The following RAB3C variants were observed in gnomAD, a reference collection of about 807,000 sequenced individuals.
The protein encoded by RAB3C is RAB3C, member RAS oncogene family.
RAB3C carries 17 observed loss-of-function variants against 26.4 expected under a neutral mutation model. The ratio of observed to expected loss-of-function variants is 0.64; its 90% CI spans 0.44 to 0.97. RAB3C has a LOEUF of 0.97. Ranked by LOEUF, RAB3C falls within the 50% of genes least tolerant of loss-of-function variation. RAB3C has a pLI of 0.00. For missense variants in RAB3C, 242 were observed against 281.9 expected (o/e 0.86, Z 1.01); for synonymous variants, 91 against 95.9 (o/e 0.95, Z 0.30).
intron 3 of RAB3C, among the ~76,000 whole-genome samples, chr5:58,731,478 G>A (rs916320949): frequency 2.6e-5 from 4 of 152,134 alleles, no homozygotes; most frequent in African/African-American, 9.7e-5. Context: ...ATGATGGTTT[G>A]TAGCTGTCAT....
At chr5:58,826,188 T>C (rs13354482) in intron 4 of RAB3C, among the ~76,000 whole-genome samples, 16,754 of 151,658 alleles carry the variant, frequency 0.11, 1,131 homozygotes, top group African/African-American at 0.19. Flanking sequence ...GGAGATCAGG[T>C]GTGGAAATGA....
intron 3 of RAB3C, chr5:58,822,762 A>C: frequency 3.7e-6 from 2 of 543,076 alleles, no homozygotes; most frequent in South Asian, 3.1e-5. Context: ...GAACTACCAA[A>C]ATAAGGTGTG....
At chr5:58,796,155 C>A (rs538553302) in intron 3 of RAB3C, among the ~76,000 whole-genome samples, 8 of 152,224 alleles carry the variant, frequency 5.3e-5, no homozygotes, top group African/African-American at 1.7e-4. Flanking sequence ...TTCTCCAAAG[C>A]CTTTTAGTGT....
intron 3 of RAB3C, among the ~76,000 whole-genome samples, chr5:58,734,495 G>C (rs1741092770): frequency 6.6e-6 from 1 of 152,032 alleles, no homozygotes. Context: ...CTTTCTCCCT[G>C]GATGTTAATG....
Position 58,637,098 on chromosome 5 carries a change from C to CTTTT in RAB3C, c.252+19240_252+19243dup, listed in dbSNP as rs10669263. ...ATCATTTTTTTTTTATTTCAAAGAA[C>CTTTT]TTTTTTTTTTTTTTTACTATTCAGT... On this transcript the variant is annotated intron_variant, in intron 2 of 4. Transcript: ENST00000282878. Among the ~76,000 whole-genome samples, 160 of 142,198 alleles carry CTTTT rather than the reference C, an allele frequency of 1.1e-3. 2 individuals are homozygous for CTTTT. Among genetic ancestry groups the CTTTT allele is most frequent in the African/African-American group, 1.9e-3 (73 of 38,652 alleles). The allele number at this position is 142,198 out of a possible 152,430, so 93.3% of individuals were successfully genotyped here.
intron 2 of RAB3C, among the ~76,000 whole-genome samples, chr5:58,646,738 TGTG>T (rs1240044616): frequency 6.6e-6 from 1 of 152,156 alleles, no homozygotes; most frequent in African/African-American, 2.4e-5. Flanking sequence ...TCTCACCACT[TGTG>T]GGGGCAGGGA....
At chr5:58,782,486 C>T (rs957490872) in intron 3 of RAB3C, among the ~76,000 whole-genome samples, 2 of 152,064 alleles carry the variant, frequency 1.3e-5, no homozygotes, top group Non-Finnish European at 2.9e-5. Context: ...TTATGCCCAC[C>T]ATTATATATA....
chr5:58,588,307 G>A (rs560329312), intron 1 of RAB3C, among the ~76,000 whole-genome samples: 3 of 152,188 alleles, frequency 2.0e-5, no homozygotes, highest in East Asian at 3.9e-4. Flanking sequence ...GGGAGGACCG[G>A]CAATTCTCAC....
intron 4 of RAB3C, among the ~76,000 whole-genome samples, chr5:58,840,581 TAA>T: frequency 6.6e-6 from 1 of 152,354 alleles, no homozygotes; most frequent in South Asian, 2.1e-4. Context: ...ATGCACGTGG[TAA>T]AGTCACTTCT....
Position 58,797,404 on chromosome 5 carries a change from G to C in RAB3C, c.372-27634G>C, listed in dbSNP as rs916565041. On this transcript the variant is annotated intron_variant, in intron 3 of 4. Transcript: ENST00000282878. ...ATATATATATATATATATACACAGAGAGAGAGAGAGAAATTTAAAAATTAG... is the reference window on the plus strand; with the variant it reads ...ATATATATATATATATATACACAGACAGAGAGAGAGAAATTTAAAAATTAG... Among the ~76,000 whole-genome samples the C allele has an allele frequency of 3.4e-4, 46 of 134,786 alleles. 1 individual carries two copies. The highest frequency in any genetic ancestry group is 2.6e-3 in the South Asian group (11 of 4,252). 88.4% of individuals were successfully genotyped at this position (134,786 alleles called of 152,430 possible).
intron 2 of RAB3C, among the ~76,000 whole-genome samples, chr5:58,638,655 A>G (rs2111763272): frequency 6.6e-6 from 1 of 152,368 alleles, no homozygotes; most frequent in East Asian, 1.9e-4. Context: ...AAGCAATGTC[A>G]GAACAGAGAA....
chr5:58,723,685 A>C (rs1246039160), intron 2 of RAB3C, among the ~76,000 whole-genome samples: 3 of 151,770 alleles, frequency 2.0e-5, no homozygotes, highest in Non-Finnish European at 4.4e-5. Flanking sequence ...ATGAGACGTT[A>C]ATTTCATTTT....
chr5:58,618,032 A>T (rs547792327), intron 2 of RAB3C, among the ~76,000 whole-genome samples, 162 bp downstream of exon 2: 1 of 150,680 alleles, frequency 6.6e-6, no homozygotes, highest in East Asian at 2.0e-4. Flanking sequence ...AGTAGTGGTG[A>T]TGCCTCTTTA....
intron 2 of RAB3C, among the ~76,000 whole-genome samples, chr5:58,682,921 A>G (rs1374480097): frequency 1.3e-5 from 2 of 152,218 alleles, no homozygotes; most frequent in Non-Finnish European, 2.9e-5. Context: ...AAAAGACTGT[A>G]TTATCAACTA....
At chr5:58,625,709 T>C (rs983468978) in intron 2 of RAB3C, among the ~76,000 whole-genome samples, 1 of 151,886 alleles carries the variant, frequency 6.6e-6, no homozygotes. Flanking sequence ...ATACAAAAAT[T>C]AGCCGGGTGT....
At chr5:58,688,316 C>A (rs1748490655) in intron 2 of RAB3C, among the ~76,000 whole-genome samples, 3 of 152,116 alleles carry the variant, frequency 2.0e-5, no homozygotes, top group Non-Finnish European at 4.4e-5. Flanking sequence ...TGTACCATGG[C>A]ATAACCTTAC....
intron 1 of RAB3C, among the ~76,000 whole-genome samples, chr5:58,586,759 A>G (rs1320563223): frequency 6.6e-6 from 1 of 152,134 alleles, no homozygotes; most frequent in Admixed American, 6.5e-5. Flanking sequence ...GCTAAAGATG[A>G]GGAGGATTGA....
intron 3 of RAB3C, among the ~76,000 whole-genome samples, chr5:58,744,352 C>A (rs1284807302): frequency 6.6e-6 from 1 of 152,206 alleles, no homozygotes; most frequent in Non-Finnish European, 1.5e-5. Context: ...CCTTGACTAT[C>A]TTATTAATGG....
chr5:58,750,802 CCTTCCTTCCTTCCTTG>C (rs1281454257), intron 3 of RAB3C, among the ~76,000 whole-genome samples: 1 of 151,752 alleles, frequency 6.6e-6, no homozygotes, highest in Non-Finnish European at 1.5e-5. Flanking sequence ...TATTTTCTTT[CCTTCCTTCCTTCCTTG>C]CTTCCTTCCT....
Sources: gnomAD v4.1 joint callset for allele counts (sites outside exome capture counted in the v4.1 genomes callset) on GRCh38, gnomAD v4.1.1 for gene constraint, MANE v1.5 for transcripts, NCBI Gene and HGNC (gene_info 2026-07-23, HGNC 2026-07-21) for gene names.